MYT1: variants seen among roughly 807,000 people sequenced by gnomAD.
The protein encoded by MYT1 is myelin transcription factor I.
Under a neutral mutation model 123.0 loss-of-function variants are expected in MYT1, and 23 were observed. The ratio of observed to expected loss-of-function variants is 0.19; its 90% CI spans 0.13 to 0.26. The LOEUF (loss-of-function observed/expected upper bound fraction) is 0.26. MYT1 is among the 10% of genes least tolerant of loss of function. The probability of loss-of-function intolerance (pLI) is 1.00; values close to 1 mark genes in which losing one functional copy is unlikely to be tolerated. For missense variants in MYT1, 1,125 were observed against 1,472.5 expected (o/e 0.76, Z 3.86); for synonymous variants, 518 against 575.3 (o/e 0.90, Z 1.43).
Position 64,219,905 on chromosome 20 carries a change from G to A in MYT1, c.2164G>A (p.Ala722Thr), listed in dbSNP as rs1983952937. The change falls in exon 13 of 23, where the codon GCC becomes ACC. Residue 722 changes from alanine to threonine, a missense_variant. Ala to Thr is a moderately conservative substitution (Grantham distance 58). This residue lies in a region of MYT1 where 429 missense variants were observed against 604.1 expected (regional missense o/e 0.71). Coordinates refer to ENST00000328439, the MANE Select transcript of MYT1 (RefSeq NM_004535.3). Reference protein sequence around the residue: ...SSMTSPQSSQASRQDEWDRPL... With the variant: ...SSMTSPQSSQTSRQDEWDRPL... ...CATGACCTCTCCCCAGTCCAGCCAG[G>A]CCTCCCGCCAGGACGAGTGGGACCG... The A allele has an allele frequency of 6.4e-7, 1 of 1,569,134 alleles. No homozygotes were observed.
intron 2 of MYT1, among the ~76,000 whole-genome samples, chr20:64,197,482 C>T (rs941113396): frequency 3.9e-5 from 6 of 152,178 alleles, no homozygotes; most frequent in African/African-American, 1.4e-4. Context: ...TTGACTACCT[C>T]ACGCATAGAG....
At chr20:64,234,125 T>A (rs1456664575) in intron 19 of MYT1, among the ~76,000 whole-genome samples, 1 of 152,246 alleles carries the variant, frequency 6.6e-6, no homozygotes, top group Non-Finnish European at 1.5e-5. Flanking sequence ...TTACCTTGCC[T>A]CAATCAACCT....
At position 64,167,328 on chromosome 20, in the gene MYT1, T is replaced by C. The variant is rs1982113328; in HGVS notation, c.-99+2589T>C. On this transcript the variant is annotated intron_variant, in intron 1 of 22. Coordinates refer to ENST00000328439, the MANE Select transcript of MYT1 (RefSeq NM_004535.3). This position sits in a 1 kb window ranked among gnomAD's most constrained non-coding sequence, Gnocchi z 6.3. Reference sequence around the variant, plus strand: ...ACGGACTCAGTGCAAAAGGTGCGTCTACTTTGGAAAAGACTGAGCAAGGCT... The same window carrying C: ...ACGGACTCAGTGCAAAAGGTGCGTCCACTTTGGAAAAGACTGAGCAAGGCT... 6.6e-6 allele frequency among the ~76,000 whole-genome samples: 1 copy of C among 152,176 alleles called. No individual in the cohort carries two copies. The highest frequency in any genetic ancestry group is 1.5e-5 in the Non-Finnish European group (1 of 68,034).
rs964516828 is a variant in MYT1, at chr20:64,218,543, G to T, written c.1847-368G>T. Among the ~76,000 whole-genome samples, 9 of 152,126 alleles carry T rather than the reference G, an allele frequency of 5.9e-5. No individual in the cohort carries two copies. Among genetic ancestry groups the T allele is most frequent in the African/African-American group, 1.9e-4 (8 of 41,424 alleles). ...TCTGATAGACAAGTTATTTTTGTTT[G>T]AAATATCAGGGCTGCTGGAATGTCT... On this transcript the variant is annotated intron_variant, in intron 11 of 22. Transcript: ENST00000328439. This position sits in a 1 kb window ranked among gnomAD's most constrained non-coding sequence, Gnocchi z 4.0.
chr20:64,180,116 A>G (rs1982605016), intron 1 of MYT1, among the ~76,000 whole-genome samples: 1 of 151,562 alleles, frequency 6.6e-6, no homozygotes, highest in African/African-American at 2.4e-5. Context: ...CACACACGCT[A>G]CACACAGTTA....
At position 64,229,946 on chromosome 20, in the gene MYT1, A is replaced by G. The variant is rs940576226; in HGVS notation, c.2675+1975A>G. Among the ~76,000 whole-genome samples, 5 of 152,006 alleles carry G rather than the reference A, an allele frequency of 3.3e-5. No homozygotes were observed. In the East Asian group the frequency reaches 9.7e-4, roughly 29 times the overall value. On this transcript the variant is annotated intron_variant, in intron 18 of 22. Coordinates refer to ENST00000328439, the MANE Select transcript of MYT1 (RefSeq NM_004535.3). ...TGGTCCTGGCCATGTTTCTCATGTCACTGGCACACACGGCTTCTGCCCCCC... is the reference window on the plus strand; with the variant it reads ...TGGTCCTGGCCATGTTTCTCATGTCGCTGGCACACACGGCTTCTGCCCCCC...
rs538544656 is a variant in MYT1 at position 64,208,185 on chromosome 20, G to T, written c.989G>T (p.Gly330Val). 66 of 1,613,850 alleles carry T rather than the reference G, an allele frequency of 4.1e-5. No homozygotes were observed. The South Asian group carries it at 6.7e-4, about 16-fold the overall frequency. ...GCCCAGAAGGCCCCTGAGCTCCGGGGCCCAGAATCACCCAGTCCCAAGCCT... is the reference window on the plus strand; with the variant it reads ...GCCCAGAAGGCCCCTGAGCTCCGGGTCCCAGAATCACCCAGTCCCAAGCCT... ...TSAQKAPELR[G>V]PESPSPKPEY... Residue 330 changes from glycine (G) to valine (V), a missense_variant, in exon 7 of 23, where the codon GGC (glycine) becomes GTC (valine). By Grantham distance (109) the Gly-to-Val change is moderately radical. Around this residue, in one of 4 missense-constraint regions of MYT1, gnomAD observed 406 missense variants for 432.2 expected, o/e 0.94. Transcript: ENST00000328439. The surrounding 1 kb of genome is among the most constrained non-coding windows in gnomAD (Gnocchi z 5.4).
chr20:64,206,657 G>A (rs753553627), intron 6 of MYT1, among the ~76,000 whole-genome samples: 7 of 152,330 alleles, frequency 4.6e-5, no homozygotes, highest in Non-Finnish European at 1.0e-4. Context: ...CCCTTGGGGG[G>A]CTCTGGAGTG....
At chr20:64,173,235 G>A (rs1982339564) in intron 1 of MYT1, among the ~76,000 whole-genome samples, 1 of 152,132 alleles carries the variant, frequency 6.6e-6, no homozygotes, top group Non-Finnish European at 1.5e-5. Context: ...GGTCAGCCTG[G>A]CCAATTTCCC....
intron 13 of MYT1, among the ~76,000 whole-genome samples, chr20:64,220,655 G>A (rs1451206770): frequency 1.3e-5 from 2 of 152,254 alleles, no homozygotes; most frequent in Admixed American, 6.5e-5. Flanking sequence ...GGGTCCAGGC[G>A]GCAGCAGCCG....
In MYT1 at chr20:64,216,607, T is replaced by A. The variant is rs148658167; in HGVS notation, c.1632-460T>A. On this transcript the variant is annotated intron_variant, in intron 10 of 22. Transcript: ENST00000328439. The stretch of plus-strand genomic sequence containing the variant: ...TGCACCTGATACAACTAGCGTCTCC[T>A]GTAGATTCCTCAGCTTCCTCCTTGC... Among the ~76,000 whole-genome samples, 259 of 152,368 alleles carry A rather than the reference T, an allele frequency of 1.7e-3. 3 individuals carry two copies. The highest frequency in any genetic ancestry group is 1.5e-4 in the Non-Finnish European group (10 of 68,034).
At position 64,240,827 on chromosome 20, in the gene MYT1, G is replaced by C. The variant is rs950684658; in HGVS notation, c.*379G>C. On this transcript the variant is annotated 3_prime_UTR_variant, in exon 23 of 23. Transcript: ENST00000328439. ...CGAGGCTGGGAGGGTAGCCGTGAGC[G>C]TGGTGGGTGGGTGGTGTGAGTGGCA... 2 of 189,342 alleles carry C rather than the reference G, an allele frequency of 1.1e-5. No homozygotes were observed. Among genetic ancestry groups the C allele is most frequent in the African/African-American group, 2.3e-5 (1 of 42,730 alleles). 11.7% of individuals were successfully genotyped at this position (189,342 alleles called of 1,614,324 possible). A position where few individuals can be genotyped will look rare whatever the true frequency, so the allele number is the denominator to read the frequency against.
rs777720426 is a variant in MYT1, at chr20:64,213,606, A to G, written c.1590A>G (p.Gly530=). 1.2e-6 allele frequency: 2 copies of G among 1,614,136 alleles called. No homozygotes were observed. Among genetic ancestry groups the G allele is most frequent in the Non-Finnish European group, 1.7e-6 (2 of 1,180,018 alleles). ...KSHEKQQPQT[G]DPSKSSSNSD... Reference sequence around the variant, plus strand: ...ATGAGAAGCAGCAGCCGCAGACAGGAGATCCTTCCAAGAGTAGCTCCAATT... The same window carrying G: ...ATGAGAAGCAGCAGCCGCAGACAGGGGATCCTTCCAAGAGTAGCTCCAATT... Residue 530 remains glycine, a synonymous_variant, in exon 10 of 23, where the codon GGA becomes GGG. Transcript: ENST00000328439. The surrounding 1 kb of genome is among the most constrained non-coding windows in gnomAD (Gnocchi z 5.6).
intron 4 of MYT1, among the ~76,000 whole-genome samples, chr20:64,201,735 G>A (rs1983308086): frequency 1.3e-5 from 2 of 152,214 alleles, no homozygotes; most frequent in African/African-American, 4.8e-5. Context: ...ACAAGCAGAC[G>A]AGACCTCTGT....
rs893438978 is a variant in MYT1, at chr20:64,207,588, G to C, written c.398-6G>C. ...TGGCCCCCACGTTGATTTTGATTTT[G>C]TGCAGGAAGGAGCCCCGTCAAGTCC... On this transcript the variant is annotated splice_region_variant and splice_polypyrimidine_tract_variant and intron_variant, in intron 6 of 22. Transcript: ENST00000328439. 1.9e-6 allele frequency: 3 copies of C among 1,610,026 alleles called. No homozygotes were observed. The African/African-American group carries it at 4.0e-5, about 22-fold the overall frequency.
At chr20:64,195,301 A>G (rs905084692) in intron 2 of MYT1, among the ~76,000 whole-genome samples, 2 of 150,194 alleles carry the variant, frequency 1.3e-5, no homozygotes, top group Admixed American at 1.3e-4. Flanking sequence ...CCAGGCCAGC[A>G]TGCAGATGAG....
In MYT1 at chr20:64,185,373, T is replaced by G. The variant is rs1982771316; in HGVS notation, c.-98-4690T>G. Among the ~76,000 whole-genome samples the G allele has an allele frequency of 6.6e-6, 1 of 152,074 alleles. No homozygotes were observed. Among genetic ancestry groups the G allele is most frequent in the Admixed American group, 6.5e-5 (1 of 15,276 alleles). ...AATGGAGGTGTGGGCTCCTCTCAAG[T>G]GACTACCCTTCCCCTCTTTGCTGAG... On this transcript the variant is annotated intron_variant, in intron 1 of 22. Coordinates refer to ENST00000328439, the MANE Select transcript of MYT1 (RefSeq NM_004535.3). The surrounding 1 kb of genome is among the most constrained non-coding windows in gnomAD (Gnocchi z 4.5).
Position 64,223,184 on chromosome 20 carries a change from T to G in MYT1, c.2459+11T>G. 6.2e-7 allele frequency: 1 copy of G among 1,614,216 alleles called. No individual in the cohort carries two copies. Among genetic ancestry groups the G allele is most frequent in the Non-Finnish European group, 8.5e-7 (1 of 1,180,040 alleles). ...CGCCTCCCACCGCAGGTTTGTCTCC[T>G]GCTCGGGTCCGTCTGGCCTGGGTGC... is the stretch of plus-strand genomic sequence containing the variant. On this transcript the variant is annotated intron_variant, in intron 15 of 22. Coordinates refer to ENST00000328439, the MANE Select transcript of MYT1 (RefSeq NM_004535.3).
rs149798274 is a variant in MYT1, at chr20:64,218,433, G to T, written c.1847-478G>T. Among the ~76,000 whole-genome samples, 81 of 152,250 alleles carry T rather than the reference G, an allele frequency of 5.3e-4. 1 individual carries two copies. Among genetic ancestry groups the T allele is most frequent in the Middle Eastern group, 3.4e-3 (1 of 294 alleles). On this transcript the variant is annotated intron_variant, in intron 11 of 22. Coordinates refer to ENST00000328439, the MANE Select transcript of MYT1 (RefSeq NM_004535.3). The surrounding 1 kb of genome is among the most constrained non-coding windows in gnomAD (Gnocchi z 4.0). ...GGACACCAAGTCAGCCTAAATATGG[G>T]TACACCCTTTTGAGATCATGGGACA... is the stretch of plus-strand genomic sequence containing the variant.
Sources: gnomAD v4.1 joint callset for allele counts (sites outside exome capture counted in the v4.1 genomes callset) on GRCh38, gnomAD v4.1.1 for gene constraint, gnomAD v4.1.1 regional missense constraint, Gnocchi (gnomAD v3.1) non-coding constraint, MANE v1.5 for transcripts, NCBI Gene and HGNC (gene_info 2026-07-23, HGNC 2026-07-21) for gene names.